The following LINGO2 variants were observed in gnomAD, a reference collection of about 807,000 sequenced individuals.
LINGO2 encodes leucine-rich repeat and immunoglobulin-like domain-containing nogo receptor-interacting protein 2.
LINGO2 carries 14 observed loss-of-function variants against 30.6 expected under a neutral mutation model. That is an observed-to-expected ratio of 0.46 (90% CI 0.30 to 0.72). The LOEUF (loss-of-function observed/expected upper bound fraction) is 0.72, where lower values mean the gene tolerates loss of function less well. Among genes scored for constraint, LINGO2 ranks in the 30% least tolerant of loss-of-function variants. The probability of loss-of-function intolerance (pLI) is 0.07; values close to 1 mark genes in which losing one functional copy is unlikely to be tolerated. For synonymous variants in LINGO2, 317 were observed against 288.5 expected (o/e 1.10, Z -1.00); for missense variants, 729 against 751.7 (o/e 0.97, Z 0.35).
At chr9:28,476,723 G>A (rs1355631599) in intron 1 of LINGO2, among the ~76,000 whole-genome samples, 1 of 152,204 alleles carries the variant, frequency 6.6e-6, no homozygotes, top group Non-Finnish European at 1.5e-5. Flanking sequence ...AAGGAGACAA[G>A]ACTTGCTGTG....
At chr9:28,068,493 G>T (rs1389149279) in intron 4 of LINGO2, among the ~76,000 whole-genome samples, 1 of 151,930 alleles carries the variant, frequency 6.6e-6, no homozygotes, top group Non-Finnish European at 1.5e-5. Flanking sequence ...CATTACATTG[G>T]GGGTAGAGCT....
At chr9:28,698,604 C>A in the LINGO2 span, among the ~76,000 whole-genome samples, 3 of 151,886 alleles carry the variant, frequency 2.0e-5, no homozygotes, top group African/African-American at 7.3e-5. Context: ...CTACAACATG[C>A]TATATTGTGT....
intron 1 of LINGO2, among the ~76,000 whole-genome samples, chr9:28,649,883 C>G (rs62548016): frequency 0.061 from 9,269 of 152,044 alleles, 480 homozygotes; most frequent in Admixed American, 0.18. Context: ...TGAACAGCCC[C>G]TGATTCAACC....
upstream of LINGO2, among the ~76,000 whole-genome samples, chr9:28,672,972 AAC>A (rs1444368244): frequency 6.6e-6 from 1 of 152,188 alleles, no homozygotes; most frequent in African/African-American, 2.4e-5. Context: ...CAAAAGAAGA[AAC>A]ACAATAAACA....
chr9:28,691,666 T>C, the LINGO2 span, among the ~76,000 whole-genome samples: 1 of 152,182 alleles, frequency 6.6e-6, no homozygotes, highest in African/African-American at 2.4e-5. Context: ...CTTGAGAATC[T>C]TGGATAACTT....
intron 1 of LINGO2, among the ~76,000 whole-genome samples, chr9:28,591,558 C>T (rs2135708328): frequency 6.6e-6 from 1 of 152,058 alleles, no homozygotes; most frequent in African/African-American, 2.4e-5. Flanking sequence ...TTCCCAAACC[C>T]CAAGTAAAAG....
chr9:28,180,298 A>C (rs1828876310), intron 4 of LINGO2, among the ~76,000 whole-genome samples: 1 of 152,080 alleles, frequency 6.6e-6, no homozygotes, highest in Admixed American at 6.6e-5. Context: ...TCCCCAGTAA[A>C]CTCAGCAGTA....
the LINGO2 span, among the ~76,000 whole-genome samples, chr9:29,113,315 AG>A: frequency 6.6e-6 from 1 of 152,230 alleles, no homozygotes; most frequent in African/African-American, 2.4e-5. Context: ...CTTTAGTGGA[AG>A]AATGGTGAAA....
chr9:28,961,340 C>T, the LINGO2 span, among the ~76,000 whole-genome samples: 2 of 152,114 alleles, frequency 1.3e-5, no homozygotes, highest in East Asian at 3.9e-4. Context: ...CATAGTCTGG[C>T]GATTTATATA....
At chr9:28,309,723 TGAAAA>T (rs1167569816) in intron 3 of LINGO2, among the ~76,000 whole-genome samples, 5 of 150,578 alleles carry the variant, frequency 3.3e-5, no homozygotes, top group East Asian at 3.9e-4. Context: ...TTTAAGAAAA[TGAAAA>T]GAAAAGCCAC....
chr9:29,154,535 G>A, the LINGO2 span, among the ~76,000 whole-genome samples: 1 of 151,920 alleles, frequency 6.6e-6, no homozygotes, highest in Non-Finnish European at 1.5e-5. Context: ...CTAATAAAAG[G>A]GGAAGCGCTA....
intron 4 of LINGO2, among the ~76,000 whole-genome samples, chr9:28,102,810 G>A (rs1033860461): frequency 2.0e-5 from 3 of 152,108 alleles, no homozygotes; most frequent in Non-Finnish European, 4.4e-5. Context: ...ATGACTATTT[G>A]AAAGTGGAAT....
the LINGO2 span, among the ~76,000 whole-genome samples, chr9:28,816,872 T>C: frequency 1.3e-5 from 2 of 152,182 alleles, no homozygotes; most frequent in Non-Finnish European, 2.9e-5. Context: ...GAGCAAGACA[T>C]AGGAACTAAC....
chr9:28,415,429 GA>G (rs775178077), intron 2 of LINGO2, among the ~76,000 whole-genome samples: 5 of 152,098 alleles, frequency 3.3e-5, no homozygotes, highest in African/African-American at 4.8e-5. Context: ...CCATTATATT[GA>G]CAATAAATCC....
chr9:28,433,966 T>TATATATATATATATATAC (rs752778212), intron 2 of LINGO2, among the ~76,000 whole-genome samples: 1,965 of 97,872 alleles, frequency 0.02, 184 homozygotes, highest in Middle Eastern at 0.038. Flanking sequence ...TATATATATA[T>TATATATATATATATATAC]ACACACACAC....
At chr9:28,292,010 CT>C (rs1298923387) in intron 4 of LINGO2, among the ~76,000 whole-genome samples, 29 of 150,898 alleles carry the variant, frequency 1.9e-4, no homozygotes, top group African/African-American at 7.0e-4. Context: ...GGAAAACCAT[CT>C]TTAAAGTGCT....
chr9:28,669,665 A>G (rs1274718125), intron 1 of LINGO2, among the ~76,000 whole-genome samples: 1 of 152,064 alleles, frequency 6.6e-6, no homozygotes, highest in Non-Finnish European at 1.5e-5. Context: ...AGTCACTCCC[A>G]TCACACATAC....
At chr9:28,257,420 G>A (rs535745750) in intron 4 of LINGO2, among the ~76,000 whole-genome samples, 61 of 151,702 alleles carry the variant, frequency 4.0e-4, no homozygotes, top group Non-Finnish European at 8.3e-4. Context: ...AAAAGAGAAA[G>A]GACTCTTTGT....
chr9:28,076,506 T>A (rs555447876), intron 4 of LINGO2, among the ~76,000 whole-genome samples: 2 of 152,044 alleles, frequency 1.3e-5, no homozygotes, highest in African/African-American at 4.8e-5. Context: ...ACAAGTTAGA[T>A]GTTATGATGT....
Sources: gnomAD v4.1 joint callset for allele counts (sites outside exome capture counted in the v4.1 genomes callset) on GRCh38, gnomAD v4.1.1 for gene constraint, MANE v1.5 for transcripts, NCBI Gene and HGNC (gene_info 2026-07-23, HGNC 2026-07-21) for gene names.